Variants in DBT observed in about 807,000 individuals in gnomAD.
DBT encodes the protein lipoamide acyltransferase component of branched-chain alpha-keto acid dehydrogenase complex, mitochondrial.
DBT carries 40 observed loss-of-function variants against 51.3 expected under a neutral mutation model. The observed-to-expected ratio is 0.78, with a 90% CI of 0.61 to 1.02. DBT has a LOEUF of 1.02. Among genes scored for constraint, DBT ranks in the 50% least tolerant of loss-of-function variants. The pLI is 0.00. For synonymous variants in DBT, 181 were observed against 190.4 expected (o/e 0.95, Z 0.41); for missense variants, 510 against 580.2 (o/e 0.88, Z 1.24).
chr1:100,215,763 A>C (rs774499729), intron 6 of DBT, among the ~76,000 whole-genome samples: 8 of 152,194 alleles, frequency 5.3e-5, no homozygotes, highest in African/African-American at 9.7e-5. Flanking sequence ...CGGAGGCTGC[A>C]GTGAGCCAAG....
intron 1 of DBT, among the ~76,000 whole-genome samples, chr1:100,246,771 C>A (rs1454871029): frequency 1.3e-5 from 2 of 152,006 alleles, no homozygotes; most frequent in African/African-American, 4.8e-5. Context: ...ATAGAATGCA[C>A]AGTACAGTGA....
chr1:100,212,244 CT>C (rs1286295140), intron 7 of DBT, among the ~76,000 whole-genome samples: 2 of 152,160 alleles, frequency 1.3e-5, no homozygotes, highest in Non-Finnish European at 2.9e-5. Context: ...TTTGTTCCCC[CT>C]CTACAATACT....
chr1:100,231,367 T>C (rs938843723), intron 3 of DBT, among the ~76,000 whole-genome samples: 2 of 152,220 alleles, frequency 1.3e-5, no homozygotes, highest in African/African-American at 2.4e-5. Flanking sequence ...CTCCCAGTCT[T>C]TCTTCCTAAA....
intron 1 of DBT, among the ~76,000 whole-genome samples, chr1:100,243,510 C>T (rs1338774543): frequency 6.6e-6 from 1 of 151,786 alleles, no homozygotes; most frequent in Non-Finnish European, 1.5e-5. Context: ...TTAGTAGAGA[C>T]GGGGTTTCAT....
At chr1:100,202,070 G>A (rs1386871550) in intron 10 of DBT, among the ~76,000 whole-genome samples, 1 of 152,164 alleles carries the variant, frequency 6.6e-6, no homozygotes, top group East Asian at 1.9e-4. Context: ...AACTTCAAAT[G>A]TAAATGGGCT....
At position 100,206,218 on chromosome 1, in the gene DBT, T is replaced by C. The variant is rs1206118435; in HGVS notation, c.1281+12A>G. On this transcript the variant is annotated intron_variant, in intron 10 of 10. Coordinates refer to ENST00000370132, the MANE Select transcript of DBT (RefSeq NM_001918.5). ...GCTTAAACTCCATTTTTCAGTTATCTAATACATGTACCTTAATTGATCCAA... is the reference window on the plus strand; with the variant it reads ...GCTTAAACTCCATTTTTCAGTTATCCAATACATGTACCTTAATTGATCCAA... The C allele has an allele frequency of 2.3e-5, 36 of 1,598,104 alleles. No homozygotes were observed. The highest frequency in any genetic ancestry group is 2.8e-5 in the Non-Finnish European group (33 of 1,166,330).
chr1:100,238,503 T>C (rs570897211), intron 2 of DBT, among the ~76,000 whole-genome samples: 18 of 151,840 alleles, frequency 1.2e-4, no homozygotes, highest in African/African-American at 4.3e-4. Context: ...TCTCTTCTTT[T>C]CTTTTCTTCT....
Position 100,192,742 on chromosome 1 carries a change from T to G in DBT, c.*3513A>C, listed in dbSNP as rs951086952. ...CCAATTTTAGCTTCCATCCTCAGAC[T>G]TCCTTTCCTGTTGTACTTCCTTTTC... On this transcript the variant is annotated 3_prime_UTR_variant, in exon 11 of 11. Transcript: ENST00000370132. 3.9e-5 allele frequency: 6 copies of G among 152,258 alleles called. No individual in the cohort carries two copies. The highest frequency in any genetic ancestry group is 1.4e-4 in the African/African-American group (6 of 41,474). The allele number at this position is 152,258 out of a possible 1,614,324, so 9.4% of individuals were successfully genotyped here.
intron 7 of DBT, among the ~76,000 whole-genome samples, chr1:100,214,434 G>A (rs1167136362): frequency 6.6e-6 from 1 of 152,142 alleles, no homozygotes; most frequent in Non-Finnish European, 1.5e-5. Flanking sequence ...TCAACATATT[G>A]CATGTTGGCA....
intron 4 of DBT, among the ~76,000 whole-genome samples, 167 bp from the exon 5 acceptor site, chr1:100,218,914 C>G (rs1245247337): frequency 1.6e-5 from 2 of 126,022 alleles, no homozygotes; most frequent in Non-Finnish European, 3.3e-5. Flanking sequence ...CACAACTATC[C>G]TAATGGTATG....
chr1:100,200,846 GA>G (rs1661393580), intron 10 of DBT, among the ~76,000 whole-genome samples: 1 of 152,152 alleles, frequency 6.6e-6, no homozygotes, highest in Non-Finnish European at 1.5e-5. Flanking sequence ...CTAACAAACA[GA>G]AAGGAATAGT....
chr1:100,213,346 C>G, intron 7 of DBT: 1 of 1,524,010 alleles, frequency 6.6e-7, no homozygotes, highest in South Asian at 1.2e-5. Flanking sequence ...ACCTGGAGGC[C>G]GGCCAGGGCG....
At chr1:100,210,351 A>G (rs1402122895) in intron 8 of DBT, among the ~76,000 whole-genome samples, 1 of 142,298 alleles carries the variant, frequency 7.0e-6, no homozygotes, top group Non-Finnish European at 1.5e-5. Context: ...AAGAAGAATA[A>G]GAATAATAAT....
rs796051945 is a variant in DBT at position 100,206,250 on chromosome 1, C to A, written c.1261G>T (p.Gly421Trp). 2 of 1,612,434 alleles carry A rather than the reference C, an allele frequency of 1.2e-6. No individual in the cohort carries two copies. Among genetic ancestry groups the A allele is most frequent in the Admixed American group, 3.3e-5 (2 of 59,904 alleles). ...PVIMPPEVAIGALGSIKAIPR... is the reference protein window; with the variant it reads ...PVIMPPEVAIWALGSIKAIPR... ...TGTACCTTAATTGATCCAAGGGCCC[C>A]AATGGCTACTTCAGGTGGCATTATC... The change falls in exon 10 of 11, where the codon GGG becomes TGG. Residue 421 changes from glycine (G) to tryptophan (W), a missense_variant. Gly to Trp is a radical substitution (Grantham distance 184). Transcript: ENST00000370132.
intron 10 of DBT, among the ~76,000 whole-genome samples, chr1:100,200,174 C>A (rs1408216740): frequency 6.6e-6 from 1 of 152,176 alleles, no homozygotes; most frequent in Non-Finnish European, 1.5e-5. Flanking sequence ...TTCTCGCTGC[C>A]AGCACAGCAG....
intron 10 of DBT, 40 bp from the exon 11 acceptor site, chr1:100,196,462 A>T: frequency 6.6e-7 from 1 of 1,514,684 alleles, no homozygotes; most frequent in Non-Finnish European, 8.9e-7. Flanking sequence ...AAAAAAAAGA[A>T]CAAAGAGTAA....
chr1:100,230,293 G>C (rs1170445547), intron 4 of DBT, among the ~76,000 whole-genome samples: 1 of 152,090 alleles, frequency 6.6e-6, no homozygotes, highest in Non-Finnish European at 1.5e-5. Context: ...CAATTTTCCT[G>C]ATTTCGGCTT....
chr1:100,233,568 G>A (rs1195174085), intron 3 of DBT, among the ~76,000 whole-genome samples: 1 of 152,182 alleles, frequency 6.6e-6, no homozygotes, highest in Non-Finnish European at 1.5e-5. Context: ...GTTCCTCAGT[G>A]CCGTAAAGAA....
intron 1 of DBT, among the ~76,000 whole-genome samples, chr1:100,246,805 G>T (rs1664566908): frequency 6.6e-6 from 1 of 152,226 alleles, no homozygotes; most frequent in Admixed American, 6.5e-5. Flanking sequence ...GTAAACCGGT[G>T]ATTATAACAC....
Sources: gnomAD v4.1 joint callset for allele counts (sites outside exome capture counted in the v4.1 genomes callset) on GRCh38, gnomAD v4.1.1 for gene constraint, MANE v1.5 for transcripts, NCBI Gene and HGNC (gene_info 2026-07-23, HGNC 2026-07-21) for gene names.